Variants in ASIC2 observed in about 807,000 individuals in gnomAD.
ASIC2 encodes the protein acid-sensing ion channel 2.
ASIC2 carries 25 observed loss-of-function variants against 57.3 expected under a neutral mutation model. The observed-to-expected ratio is 0.44, with a 90% CI of 0.32 to 0.61. The LOEUF (loss-of-function observed/expected upper bound fraction) is 0.61. Among genes scored for constraint, ASIC2 ranks in the 20% least tolerant of loss-of-function variants. The pLI, the probability that ASIC2 is intolerant of heterozygous loss-of-function variation, is 0.06. For synonymous variants in ASIC2, 319 were observed against 307.5 expected, an observed-to-expected ratio of 1.04 and a Z score of -0.39; for missense variants, 641 against 738.1, an observed-to-expected ratio of 0.87 and a Z score of 1.52.
At chr17:33,442,807 G>C (rs1331973196) in intron 1 of ASIC2, among the ~76,000 whole-genome samples, 2 of 152,028 alleles carry the variant, frequency 1.3e-5, no homozygotes, top group African/African-American at 2.4e-5. Context: ...AGAACCTCCG[G>C]TATGATGTTA....
intron 1 of ASIC2, among the ~76,000 whole-genome samples, chr17:33,570,918 C>G (rs978427327): frequency 1.3e-5 from 2 of 152,148 alleles, no homozygotes; most frequent in African/African-American, 4.8e-5. Context: ...GAGGCCTCAG[C>G]TCTGGAACTC....
chr17:33,860,914 G>C (rs1198328904), intron 1 of ASIC2, among the ~76,000 whole-genome samples: 1 of 152,186 alleles, frequency 6.6e-6, no homozygotes, highest in Non-Finnish European at 1.5e-5. Context: ...ATTAAGGCAT[G>C]ATCTCTGTCT....
chr17:33,942,501 C>A (rs12449407), intron 1 of ASIC2, among the ~76,000 whole-genome samples: 36,246 of 152,084 alleles, frequency 0.24, 5,185 homozygotes, highest in Admixed American at 0.34. Flanking sequence ...TGCCTTCCAC[C>A]TCCTTTTCTC....
At chr17:33,161,138 A>G (rs1399266011) in intron 1 of ASIC2, among the ~76,000 whole-genome samples, 2 of 152,204 alleles carry the variant, frequency 1.3e-5, no homozygotes, top group Non-Finnish European at 2.9e-5. Context: ...TGAAAGAATC[A>G]GGAATTGGCT....
chr17:33,313,879 G>A (rs1906535747), intron 1 of ASIC2, among the ~76,000 whole-genome samples: 1 of 152,036 alleles, frequency 6.6e-6, no homozygotes, highest in Non-Finnish European at 1.5e-5. Context: ...CAGAGACTTG[G>A]CCTGACAGAG....
chr17:33,707,708 G>A (rs1001438912), intron 1 of ASIC2, among the ~76,000 whole-genome samples: 2 of 152,174 alleles, frequency 1.3e-5, no homozygotes, highest in Non-Finnish European at 2.9e-5. Flanking sequence ...CTGTTTATCT[G>A]CCTTTCAGTT....
intron 1 of ASIC2, among the ~76,000 whole-genome samples, chr17:33,476,245 C>T (rs1236239905): frequency 6.6e-6 from 1 of 152,094 alleles, no homozygotes; most frequent in Non-Finnish European, 1.5e-5. Context: ...AATACGTGAC[C>T]ACCATCACTG....
At chr17:33,196,676 G>A (rs1444696829) in intron 1 of ASIC2, among the ~76,000 whole-genome samples, 1 of 152,212 alleles carries the variant, frequency 6.6e-6, no homozygotes, top group African/African-American at 2.4e-5. Context: ...CCTCATGTCA[G>A]GAACAGCTCA....
At chr17:33,612,002 C>A (rs1001337347) in intron 1 of ASIC2, among the ~76,000 whole-genome samples, 7 of 152,188 alleles carry the variant, frequency 4.6e-5, no homozygotes, top group African/African-American at 1.4e-4. Context: ...ACCAGAAGGG[C>A]TGATACAGTA....
chr17:33,222,938 T>C (rs946662900), intron 1 of ASIC2, among the ~76,000 whole-genome samples: 1 of 152,076 alleles, frequency 6.6e-6, no homozygotes, highest in Admixed American at 6.6e-5. Context: ...AAAACAATTC[T>C]AACCAGAAGC....
At chr17:33,790,772 C>A (rs1662703574) in intron 1 of ASIC2, among the ~76,000 whole-genome samples, 1 of 152,142 alleles carries the variant, frequency 6.6e-6, no homozygotes, top group Non-Finnish European at 1.5e-5. Context: ...TGAGCTCTGA[C>A]TGATAAAGAT....
chr17:33,165,979 A>G (rs543812753), intron 1 of ASIC2, among the ~76,000 whole-genome samples: 8 of 152,224 alleles, frequency 5.3e-5, no homozygotes, highest in African/African-American at 1.7e-4. Flanking sequence ...AGAATAAAAG[A>G]CTTACACCAC....
At chr17:33,203,075 G>A (rs779899060) in intron 1 of ASIC2, among the ~76,000 whole-genome samples, 15 of 152,170 alleles carry the variant, frequency 9.9e-5, no homozygotes, top group Non-Finnish European at 2.2e-4. Context: ...AAATTTGCAC[G>A]TGCTAAACCA....
chr17:33,087,595 T>TTTTTTTAG (rs2092139817), intron 3 of ASIC2, among the ~76,000 whole-genome samples: 1 of 147,760 alleles, frequency 6.8e-6, no homozygotes, highest in African/African-American at 2.6e-5. Context: ...TTTTTTTTTT[T>TTTTTTTAG]GAGACAGGGT....
intron 1 of ASIC2, among the ~76,000 whole-genome samples, chr17:33,466,476 A>T (rs932482071): frequency 1.3e-5 from 2 of 152,154 alleles, no homozygotes; most frequent in African/African-American, 4.8e-5. Context: ...TCTCCACAGA[A>T]TTGGGAAAAA....
At position 33,368,821 on chromosome 17, in the gene ASIC2, G is replaced by A. The variant is rs765161801; in HGVS notation, c.556-256754C>T. 4.6e-5 allele frequency among the ~76,000 whole-genome samples: 7 copies of A among 152,014 alleles called. 1 individual carries two copies. Among genetic ancestry groups the A allele is most frequent in the Admixed American group, 3.3e-4 (5 of 15,260 alleles). Reference sequence around the variant, plus strand: ...TTCTTTCTCTGCCCTCCTTTCACCCGTCTTAGCTCAGGATCCTCTCCCATG... The same window carrying A: ...TTCTTTCTCTGCCCTCCTTTCACCCATCTTAGCTCAGGATCCTCTCCCATG... On this transcript the variant is annotated intron_variant, in intron 1 of 9. Coordinates refer to the ASIC2 transcript ENST00000359872.
intron 1 of ASIC2, among the ~76,000 whole-genome samples, chr17:33,454,184 G>A (rs990024745): frequency 6.6e-6 from 1 of 152,218 alleles, no homozygotes; most frequent in Admixed American, 6.5e-5. Flanking sequence ...GACCAACACA[G>A]CCATCCAGTC....
chr17:33,047,292 G>A (rs2091959460), intron 3 of ASIC2, among the ~76,000 whole-genome samples: 1 of 152,026 alleles, frequency 6.6e-6, no homozygotes, highest in Non-Finnish European at 1.5e-5. Context: ...TGGCATACTG[G>A]GGCACATGTC....
chr17:34,084,099 T>C (rs1453677455), intron 1 of ASIC2, among the ~76,000 whole-genome samples: 1 of 151,940 alleles, frequency 6.6e-6, no homozygotes, highest in Non-Finnish European at 1.5e-5. Flanking sequence ...TCCTTGCCCA[T>C]GCCTATGTCC....
Sources: gnomAD v4.1 joint callset for allele counts (sites outside exome capture counted in the v4.1 genomes callset) on GRCh38, gnomAD v4.1.1 for gene constraint, MANE v1.5 for transcripts, NCBI Gene and HGNC (gene_info 2026-07-23, HGNC 2026-07-21) for gene names.